The following ZNF804B variants were observed in gnomAD, a reference collection of about 807,000 sequenced individuals.
ZNF804B encodes the protein zinc finger 804B.
A neutral mutation model predicts 101.4 loss-of-function variants in ZNF804B; 80 were observed. The observed-to-expected ratio is 0.79, with a 90% CI of 0.66 to 0.95. ZNF804B has a LOEUF of 0.95. Ranked by LOEUF, ZNF804B falls within the 40% of genes least tolerant of loss-of-function variation. The pLI is 0.00. For synonymous variants in ZNF804B, 622 were observed against 558.8 expected (o/e 1.11, Z -1.59); for missense variants, 1,673 against 1,561.9 (o/e 1.07, Z -1.20).
At chr7:89,191,866 G>C (rs948861928) in intron 1 of ZNF804B, among the ~76,000 whole-genome samples, 8 of 152,158 alleles carry the variant, frequency 5.3e-5, no homozygotes, top group African/African-American at 1.9e-4. Flanking sequence ...GGATGTTTTA[G>C]CAGTTCATCC....
chr7:88,878,993 C>T (rs187842351), intron 1 of ZNF804B, among the ~76,000 whole-genome samples: 1 of 152,194 alleles, frequency 6.6e-6, no homozygotes, highest in Admixed American at 6.6e-5. Context: ...CGTCACAGAC[C>T]ACTCTGCCAG....
At chr7:89,201,887 C>T (rs1305327756) in intron 1 of ZNF804B, among the ~76,000 whole-genome samples, 2 of 152,066 alleles carry the variant, frequency 1.3e-5, no homozygotes, top group African/African-American at 4.8e-5. Context: ...AAAATTGTAA[C>T]TTAATGAGGC....
chr7:88,879,489 A>G (rs113293500), intron 1 of ZNF804B, among the ~76,000 whole-genome samples: 3,134 of 152,316 alleles, frequency 0.021, 113 homozygotes, highest in African/African-American at 0.071. Flanking sequence ...AAGTTATTCA[A>G]GAAGTATGGA....
intron 1 of ZNF804B, among the ~76,000 whole-genome samples, chr7:89,064,410 GT>G (rs1344695653): frequency 1.3e-5 from 2 of 152,090 alleles, no homozygotes; most frequent in East Asian, 3.9e-4. Flanking sequence ...GTCGCTTTAG[GT>G]TTCAGGAGCA....
chr7:89,278,525 G>C (rs1168147085), intron 2 of ZNF804B, among the ~76,000 whole-genome samples: 1 of 151,818 alleles, frequency 6.6e-6, no homozygotes, highest in Non-Finnish European at 1.5e-5. Flanking sequence ...ATTGATTTTT[G>C]TATAAGGTGT....
chr7:89,271,679 G>A (rs1343591838), intron 2 of ZNF804B, among the ~76,000 whole-genome samples: 3 of 152,050 alleles, frequency 2.0e-5, no homozygotes, highest in Non-Finnish European at 4.4e-5. Context: ...GTAGAATTCG[G>A]CTGTGAATCC....
rs1435917992 is a variant in ZNF804B, at chr7:88,942,700, C to T, written c.108+182616C>T. The stretch of plus-strand genomic sequence containing the variant: ...AAAAACCAATGGTATTTAGGTTAGA[C>T]CACGTGTTACCATCAAATGAAAATA... On this transcript the variant is annotated intron_variant, in intron 1 of 3. Coordinates refer to ENST00000333190, the MANE Select transcript of ZNF804B (RefSeq NM_181646.5). 4.6e-5 allele frequency among the ~76,000 whole-genome samples: 7 copies of T among 151,480 alleles called. No homozygotes were observed. In the East Asian group the frequency reaches 1.4e-3, roughly 30 times the overall value.
chr7:88,972,113 G>A (rs1403756305), intron 1 of ZNF804B, among the ~76,000 whole-genome samples: 1 of 151,506 alleles, frequency 6.6e-6, no homozygotes, highest in Non-Finnish European at 1.5e-5. Context: ...GCCATTACAT[G>A]TCCAGCACTT....
rs562098185 is a variant in ZNF804B at position 89,156,594 on chromosome 7, G to T, written c.109-61561G>T. 1.9e-4 allele frequency among the ~76,000 whole-genome samples: 29 copies of T among 152,160 alleles called. No individual in the cohort carries two copies. In the South Asian group the frequency reaches 5.8e-3, roughly 30 times the overall value. ...ATGAGATAAGTATGTGAAAATGCCAGGAACATAGCAGGTGCTCAGAAAAGC... is the reference window on the plus strand; with the variant it reads ...ATGAGATAAGTATGTGAAAATGCCATGAACATAGCAGGTGCTCAGAAAAGC... On this transcript the variant is annotated intron_variant, in intron 1 of 3. Transcript: ENST00000333190.
intron 1 of ZNF804B, among the ~76,000 whole-genome samples, chr7:89,171,197 G>A (rs1189320698): frequency 2.0e-5 from 3 of 151,710 alleles, no homozygotes; most frequent in East Asian, 1.9e-4. Context: ...AATTATTTGG[G>A]GTTCAAAGTA....
intron 1 of ZNF804B, among the ~76,000 whole-genome samples, chr7:89,069,682 T>G (rs1583968489): frequency 1.3e-5 from 2 of 152,280 alleles, no homozygotes; most frequent in Admixed American, 1.3e-4. Context: ...TACAGTATGG[T>G]CTATATTTAC....
chr7:89,254,887 C>T (rs1789602062), intron 2 of ZNF804B, among the ~76,000 whole-genome samples: 1 of 152,088 alleles, frequency 6.6e-6, no homozygotes, highest in Non-Finnish European at 1.5e-5. Flanking sequence ...CCCAGGCAAT[C>T]CACCCACCTT....
chr7:89,124,864 T>C (rs62461864), intron 1 of ZNF804B, among the ~76,000 whole-genome samples: 7,562 of 152,084 alleles, frequency 0.05, 302 homozygotes, highest in Non-Finnish European at 0.075. Flanking sequence ...GGGAGTAGTC[T>C]CAGGTCAGAA....
chr7:88,794,851 A>G lies in ZNF804B; in HGVS notation c.108+34767A>G, dbSNP rs868078764. On this transcript the variant is annotated intron_variant, in intron 1 of 3. Transcript: ENST00000333190. ...TCGTTGTTTCTCTTCTTGAAAGTGC[A>G]GGTAATTGCTACGTGGGACTTGGAG... is the stretch of plus-strand genomic sequence containing the variant. 14 of 1,613,676 alleles carry G rather than the reference A, an allele frequency of 8.7e-6. No homozygotes were observed. The Middle Eastern group carries it at 1.5e-3, about 171-fold the overall frequency.
intron 1 of ZNF804B, among the ~76,000 whole-genome samples, chr7:89,151,111 A>G (rs1790868673): frequency 1.3e-5 from 2 of 152,232 alleles, no homozygotes; most frequent in South Asian, 4.1e-4. Context: ...CTGGAAATCA[A>G]ACGGTTAGAT....
chr7:88,805,146 T>C (rs777163830), intron 1 of ZNF804B, among the ~76,000 whole-genome samples: 1 of 152,178 alleles, frequency 6.6e-6, no homozygotes, highest in Non-Finnish European at 1.5e-5. Flanking sequence ...GAGTTACACA[T>C]TTAATGGTGA....
intron 1 of ZNF804B, among the ~76,000 whole-genome samples, chr7:88,997,823 C>T (rs1003954416): frequency 1.1e-4 from 16 of 152,086 alleles, no homozygotes; most frequent in East Asian, 1.9e-4. Context: ...GCCCATCTTT[C>T]GGAACTCAGT....
intron 1 of ZNF804B, among the ~76,000 whole-genome samples, chr7:89,187,468 A>G (rs138760894): frequency 1.3e-5 from 2 of 152,186 alleles, no homozygotes; most frequent in African/African-American, 4.8e-5. Flanking sequence ...AACAGTCTGA[A>G]CAAGTGGTTT....
At chr7:89,064,016 G>T (rs570791827) in intron 1 of ZNF804B, among the ~76,000 whole-genome samples, 1 of 152,182 alleles carries the variant, frequency 6.6e-6, no homozygotes, top group South Asian at 2.1e-4. Context: ...AAGCAGGTTG[G>T]GTTCTCGAGG....
Sources: allele counts gnomAD v4.1 joint callset (sites outside exome capture counted in the v4.1 genomes callset), GRCh38; gene constraint gnomAD v4.1.1; transcripts MANE v1.5; gene names NCBI Gene and HGNC (gene_info 2026-07-23, HGNC 2026-07-21).